The following METTL15 variants were observed in gnomAD, a reference collection of about 807,000 sequenced individuals.
METTL15 encodes the protein 12S rRNA N(4)-cytidine methyltransferase METTL15.
A neutral mutation model predicts 38.3 loss-of-function variants in METTL15; 34 were observed. The observed-to-expected ratio is 0.89, with a 90% confidence interval of 0.68 to 1.18. The LOEUF is 1.18. Ranked by LOEUF, METTL15 falls within the 50% of genes most tolerant of loss-of-function variation. The pLI, the probability that METTL15 is intolerant of heterozygous loss-of-function variation, is 0.00. For missense variants in METTL15, 438 were observed against 498.4 expected (o/e 0.88, Z 1.15); for synonymous variants, 162 against 170.9 (o/e 0.95, Z 0.41).
chr11:28,238,362 G>T (rs890940797), intron 4 of METTL15, among the ~76,000 whole-genome samples: 1 of 152,186 alleles, frequency 6.6e-6, no homozygotes, highest in Non-Finnish European at 1.5e-5. Context: ...ATCTCAGACT[G>T]CCGTGCTAGC....
intron 4 of METTL15, among the ~76,000 whole-genome samples, chr11:28,286,436 A>T (rs1856264926): frequency 6.6e-6 from 1 of 152,154 alleles, no homozygotes; most frequent in Non-Finnish European, 1.5e-5. Flanking sequence ...TATGTAACTG[A>T]AATTATGAGT....
chr11:28,119,451 C>T (rs1284581652), intron 3 of METTL15, among the ~76,000 whole-genome samples: 3 of 152,148 alleles, frequency 2.0e-5, no homozygotes, highest in Non-Finnish European at 4.4e-5. Context: ...TATATAATTT[C>T]AGCGTCAGTA....
intron 5 of METTL15, among the ~76,000 whole-genome samples, chr11:28,375,429 T>A (rs1850298120): frequency 6.6e-6 from 1 of 152,036 alleles, no homozygotes; most frequent in Non-Finnish European, 1.5e-5. Context: ...ATCCATTTCT[T>A]CTAGATTTTC....
In METTL15 at chr11:28,323,708, G is replaced by C. The variant is rs536782757; in HGVS notation, c.779-6688G>C. Among the ~76,000 whole-genome samples the C allele has an allele frequency of 2.6e-5, 4 of 152,286 alleles. No homozygotes were observed. In the South Asian group the frequency reaches 6.2e-4, roughly 24 times the overall value. ...CTTGGACAAGAGTCATAGTGGTAGA[G>C]CTGGTAAGAAGTGGTGGGGTTCTGG... On this transcript the variant is annotated intron_variant, in intron 6 of 6. Transcript: ENST00000407364.
intron 6 of METTL15, among the ~76,000 whole-genome samples, chr11:28,301,778 T>C (rs536542513): frequency 1.3e-5 from 2 of 152,264 alleles, no homozygotes; most frequent in South Asian, 2.1e-4. Context: ...TTGGACAGTA[T>C]TGTTCTAGAC....
At chr11:28,116,122 TTAAA>T (rs879804897) in intron 3 of METTL15, among the ~76,000 whole-genome samples, 2 of 152,132 alleles carry the variant, frequency 1.3e-5, no homozygotes, top group African/African-American at 2.4e-5. Context: ...TTAGATTAAA[TTAAA>T]TAAGGTCTTA....
chr11:28,237,023 C>T (rs1854019382), intron 4 of METTL15, among the ~76,000 whole-genome samples: 1 of 152,066 alleles, frequency 6.6e-6, no homozygotes, highest in Admixed American at 6.5e-5. Context: ...TTCTCTGTGG[C>T]TGCCCTTATA....
At chr11:28,311,003 T>TGAGA (rs150856463) in intron 6 of METTL15, among the ~76,000 whole-genome samples, 14 of 119,250 alleles carry the variant, frequency 1.2e-4, no homozygotes, top group African/African-American at 1.5e-4. Context: ...TGTGTGTGTG[T>TGAGA]GAGAGAGAGA....
At chr11:28,207,977 G>A (rs367665673) in intron 3 of METTL15, among the ~76,000 whole-genome samples, 11 of 151,892 alleles carry the variant, frequency 7.2e-5, no homozygotes, top group African/African-American at 2.2e-4. Context: ...ATTTTTTATT[G>A]CATCTATTTG....
chr11:28,435,548 G>T (rs564845622), intron 6 of METTL15, among the ~76,000 whole-genome samples: 1 of 152,212 alleles, frequency 6.6e-6, no homozygotes, highest in East Asian at 1.9e-4. Flanking sequence ...GCCCACTTCA[G>T]AAGAGAATAT....
chr11:28,138,918 A>C (rs1428141305), intron 3 of METTL15, among the ~76,000 whole-genome samples: 1 of 152,176 alleles, frequency 6.6e-6, no homozygotes, highest in African/African-American at 2.4e-5. Flanking sequence ...GAAGACACAA[A>C]AAGCACACCA....
chr11:28,356,533 C>T (rs1409233566), intron 4 of METTL15, among the ~76,000 whole-genome samples: 1 of 152,178 alleles, frequency 6.6e-6, no homozygotes, highest in African/African-American at 2.4e-5. Flanking sequence ...AAACTCTCTG[C>T]AGGAAAGTTT....
At chr11:28,482,985 C>T (rs1212092847) in intron 6 of METTL15, among the ~76,000 whole-genome samples, 2 of 152,108 alleles carry the variant, frequency 1.3e-5, no homozygotes, top group Non-Finnish European at 1.5e-5. Flanking sequence ...ATCAGCCTCT[C>T]TCCTCTTCTT....
At chr11:28,170,690 T>C (rs1263924208) in intron 3 of METTL15, among the ~76,000 whole-genome samples, 1 of 152,176 alleles carries the variant, frequency 6.6e-6, no homozygotes, top group Non-Finnish European at 1.5e-5. Context: ...TTGTAAACTG[T>C]CATGGCCCTA....
At chr11:28,483,875 A>C (rs1380965980) in intron 6 of METTL15, among the ~76,000 whole-genome samples, 2 of 152,208 alleles carry the variant, frequency 1.3e-5, no homozygotes, top group Non-Finnish European at 2.9e-5. Context: ...GTGTACACCT[A>C]GTACCTAGTG....
At chr11:28,291,207 C>T (rs538819149) in intron 5 of METTL15, among the ~76,000 whole-genome samples, 61 of 151,884 alleles carry the variant, frequency 4.0e-4, no homozygotes, top group Middle Eastern at 3.4e-3. Flanking sequence ...CCAGCATGCC[C>T]GGCTAATTAT....
At chr11:28,438,786 T>C (rs1381305547) in intron 6 of METTL15, among the ~76,000 whole-genome samples, 1 of 150,046 alleles carries the variant, frequency 6.7e-6, no homozygotes, top group African/African-American at 2.5e-5. Context: ...ACAATTCTCC[T>C]GCCTCAGCCT....
intron 3 of METTL15, among the ~76,000 whole-genome samples, chr11:28,138,671 A>C (rs185426585): frequency 3.3e-5 from 5 of 152,348 alleles, no homozygotes; most frequent in Admixed American, 2.0e-4. Flanking sequence ...CTAACCGGAA[A>C]GTACTCATTC....
chr11:28,378,790 A>T (rs1487323001), intron 5 of METTL15, among the ~76,000 whole-genome samples: 4 of 97,704 alleles, frequency 4.1e-5, no homozygotes, highest in African/African-American at 1.3e-4. Flanking sequence ...GAAGATTTTG[A>T]ATAGAATTAG....
Sources: allele counts gnomAD v4.1 joint callset (sites outside exome capture counted in the v4.1 genomes callset), GRCh38; gene constraint gnomAD v4.1.1; transcripts MANE v1.5; gene names NCBI Gene and HGNC (gene_info 2026-07-23, HGNC 2026-07-21).